ANKFN1: variants seen among roughly 807,000 people sequenced by gnomAD.
ANKFN1 encodes ankyrin repeat and fibronectin type-III domain-containing protein 1.
A neutral mutation model predicts 108.7 loss-of-function variants in ANKFN1; 74 were observed. That is an observed-to-expected ratio of 0.68 (90% CI 0.56 to 0.83). The LOEUF (loss-of-function observed/expected upper bound fraction) is 0.83. Among genes scored for constraint, ANKFN1 ranks in the 40% least tolerant of loss-of-function variants. The probability of loss-of-function intolerance (pLI) is 0.00; values close to 1 mark genes in which losing one functional copy is unlikely to be tolerated. For missense variants in ANKFN1, 1,505 were observed against 1,382.3 expected (o/e 1.09, Z -1.41); for synonymous variants, 547 against 516.2 (o/e 1.06, Z -0.81).
At chr17:56,280,055 G>T (rs1040184114) in intron 3 of ANKFN1, among the ~76,000 whole-genome samples, 4 of 144,688 alleles carry the variant, frequency 2.8e-5, no homozygotes, top group South Asian at 4.2e-4. Context: ...TGTTGCCCAG[G>T]CTGGAGTGCA....
At chr17:56,377,842 C>T (rs1356646290) in intron 8 of ANKFN1, among the ~76,000 whole-genome samples, 1 of 152,092 alleles carries the variant, frequency 6.6e-6, no homozygotes, top group Non-Finnish European at 1.5e-5. Flanking sequence ...GAAACATTTT[C>T]GAGTTTGTGT....
At chr17:56,136,127 C>T (rs1031235447) in intron 4 of ANKFN1, among the ~76,000 whole-genome samples, 1 of 152,076 alleles carries the variant, frequency 6.6e-6, no homozygotes, top group African/African-American at 2.4e-5. Context: ...TCCAGAGGCA[C>T]CTATGCATGG....
At chr17:56,358,582 AC>A (rs1437928203) in intron 6 of ANKFN1, among the ~76,000 whole-genome samples, 12 of 152,218 alleles carry the variant, frequency 7.9e-5, no homozygotes, top group African/African-American at 2.9e-4. Flanking sequence ...TGTTCCTCCT[AC>A]CTTTTTGCAA....
intron 3 of ANKFN1, among the ~76,000 whole-genome samples, chr17:56,291,081 G>A (rs563665953): frequency 1.2e-4 from 19 of 152,230 alleles, no homozygotes; most frequent in South Asian, 4.1e-4. Flanking sequence ...GAAGAGTCTG[G>A]ATCAGTCAGC....
At chr17:56,326,498 TGAA>T (rs2045520527) in intron 4 of ANKFN1, 143 bp downstream of exon 4, 1 of 1,025,842 alleles carries the variant, frequency 9.7e-7, no homozygotes. Context: ...AGGTGGTCCA[TGAA>T]GAATACACAC....
intron 20 of ANKFN1, among the ~76,000 whole-genome samples, chr17:56,507,921 AG>A (rs748884472): frequency 6.6e-6 from 1 of 152,228 alleles, no homozygotes; most frequent in Non-Finnish European, 1.5e-5. Flanking sequence ...TTGTCTTCAC[AG>A]AACTTCATAC....
At chr17:56,100,375 A>C (rs1194137389) in intron 4 of ANKFN1, among the ~76,000 whole-genome samples, 1 of 152,186 alleles carries the variant, frequency 6.6e-6, no homozygotes, top group Admixed American at 6.5e-5. Context: ...GGAGCCAGTG[A>C]GCATAACCTA....
intron 4 of ANKFN1, among the ~76,000 whole-genome samples, chr17:56,100,895 A>C (rs1196320335): frequency 6.6e-6 from 1 of 152,142 alleles, no homozygotes; most frequent in Non-Finnish European, 1.5e-5. Flanking sequence ...CTCTTTAGAG[A>C]GGGTTCTGTA....
chr17:56,333,533 G>A (rs778094997), intron 4 of ANKFN1, among the ~76,000 whole-genome samples: 1 of 152,062 alleles, frequency 6.6e-6, no homozygotes, highest in Non-Finnish European at 1.5e-5. Context: ...GCCTAGTCGT[G>A]ATGCATTATC....
At chr17:56,306,223 TA>T (rs1260848162) in intron 3 of ANKFN1, among the ~76,000 whole-genome samples, 3 of 152,268 alleles carry the variant, frequency 2.0e-5, no homozygotes, top group Non-Finnish European at 4.4e-5. Flanking sequence ...AGAATTGTAT[TA>T]AATGTATATG....
At chr17:56,380,628 A>T (rs1799712129) in intron 8 of ANKFN1, among the ~76,000 whole-genome samples, 1 of 152,178 alleles carries the variant, frequency 6.6e-6, no homozygotes, top group Non-Finnish European at 1.5e-5. Flanking sequence ...GCACCAGGAG[A>T]TTATATCCCA....
chr17:56,272,395 TTATA>T (rs2043816247), intron 3 of ANKFN1, among the ~76,000 whole-genome samples: 1 of 152,204 alleles, frequency 6.6e-6, no homozygotes, highest in African/African-American at 2.4e-5. Flanking sequence ...ATAAGTGGAA[TTATA>T]TATAATATTT....
At chr17:56,091,258 T>A (rs1213448646) in intron 4 of ANKFN1, among the ~76,000 whole-genome samples, 1 of 151,052 alleles carries the variant, frequency 6.6e-6, no homozygotes, top group African/African-American at 2.4e-5. Flanking sequence ...AATAAAAACG[T>A]TAATCAAAAC....
At chr17:56,343,506 T>C (rs552837818) in intron 4 of ANKFN1, among the ~76,000 whole-genome samples, 1 of 152,074 alleles carries the variant, frequency 6.6e-6, no homozygotes, top group Admixed American at 6.6e-5. Context: ...CTTTTCTCTC[T>C]TGCTATCTTT....
At chr17:56,234,526 C>T (rs367702589) in intron 3 of ANKFN1, among the ~76,000 whole-genome samples, 21 of 152,068 alleles carry the variant, frequency 1.4e-4, no homozygotes, top group African/African-American at 4.3e-4. Flanking sequence ...AAGTAGGTCC[C>T]GGTGTCTGTT....
exon 4 of ANKFN1, chr17:56,046,081 C>G (rs954044105): frequency 6.6e-6 from 1 of 152,172 alleles, no homozygotes; most frequent in Non-Finnish European, 1.5e-5. Context: ...GAAGCCCAGC[C>G]GGTGGAAACT....
At chr17:56,298,733 T>C (rs2044589031) in intron 3 of ANKFN1, among the ~76,000 whole-genome samples, 1 of 152,272 alleles carries the variant, frequency 6.6e-6, no homozygotes, top group South Asian at 2.1e-4. Flanking sequence ...GTAACAATTT[T>C]AAGTTTTGCA....
At chr17:56,249,666 T>A (rs1598302013) in intron 3 of ANKFN1, among the ~76,000 whole-genome samples, 1 of 152,128 alleles carries the variant, frequency 6.6e-6, no homozygotes, top group Non-Finnish European at 1.5e-5. Flanking sequence ...TAAGGTAGTA[T>A]GTATTGTCCC....
chr17:56,499,168 C>A, intron 20 of ANKFN1, 70 bp downstream of exon 20: 1 of 1,388,482 alleles, frequency 7.2e-7, no homozygotes, highest in East Asian at 2.5e-5. Flanking sequence ...CTGATGAGGA[C>A]TTTTATGCTG....
Sources: gnomAD v4.1 joint callset for allele counts (sites outside exome capture counted in the v4.1 genomes callset) on GRCh38, gnomAD v4.1.1 for gene constraint, MANE v1.5 for transcripts, NCBI Gene and HGNC (gene_info 2026-07-23, HGNC 2026-07-21) for gene names.